LRP1B: variants seen among roughly 807,000 people sequenced by gnomAD.
LRP1B encodes low-density lipoprotein receptor-related protein 1B.
A neutral mutation model predicts 556.6 loss-of-function variants in LRP1B; 217 were observed. The ratio of observed to expected loss-of-function variants is 0.39; its 90% CI spans 0.35 to 0.44. The LOEUF is 0.44. Ranked by LOEUF, LRP1B falls within the 20% of genes least tolerant of loss-of-function variation. LRP1B has a pLI of 1.00. For synonymous variants in LRP1B, 2,047 were observed against 1,865.8 expected (o/e 1.10, Z -2.50); for missense variants, 5,053 against 5,620.8 (o/e 0.90, Z 3.23).
intron 66 of LRP1B, among the ~76,000 whole-genome samples, chr2:140,393,816 C>G (rs1299227137): frequency 6.6e-6 from 1 of 152,136 alleles, no homozygotes; most frequent in Non-Finnish European, 1.5e-5. Context: ...GGCAAACTTT[C>G]TTTTGTAGAA....
Position 140,779,476 on chromosome 2 carries a change from C to T in LRP1B, c.5360-3238G>A, listed in dbSNP as rs578027429. Among the ~76,000 whole-genome samples the T allele has an allele frequency of 3.9e-5, 6 of 152,100 alleles. No individual in the cohort carries two copies. The South Asian group carries it at 6.2e-4, about 16-fold the overall frequency. ...CTTTGGGAGGCCAAAGTGGGTGGAT[C>T]ACGAGGTCAGGAGTTCGAGGCCAGC... On this transcript the variant is annotated intron_variant, in intron 32 of 90. Transcript: ENST00000389484.
At chr2:141,131,413 A>ATATATATATATATATATATG (rs1348072306) in intron 7 of LRP1B, among the ~76,000 whole-genome samples, 1 of 143,638 alleles carries the variant, frequency 7.0e-6, no homozygotes, top group Non-Finnish European at 1.5e-5. Flanking sequence ...AAAGTTATAT[A>ATATATATATATATATATATG]TATATATATA....
chr2:141,924,243 T>A (rs565862809), intron 1 of LRP1B, among the ~76,000 whole-genome samples: 1 of 151,894 alleles, frequency 6.6e-6, no homozygotes, highest in East Asian at 2.0e-4. Flanking sequence ...AGAGAAGGTA[T>A]GTCTGAACAC....
chr2:140,728,911 C>G (rs1226840667), intron 35 of LRP1B, among the ~76,000 whole-genome samples: 1 of 151,972 alleles, frequency 6.6e-6, no homozygotes, highest in Non-Finnish European at 1.5e-5. Context: ...ATGAATCCAT[C>G]TGTGTTAAAT....
intron 2 of LRP1B, among the ~76,000 whole-genome samples, chr2:141,596,909 G>A (rs1206741355): frequency 6.6e-6 from 1 of 151,882 alleles, no homozygotes; most frequent in East Asian, 1.9e-4. Context: ...TTTTTATGAT[G>A]AATGGTTATT....
At chr2:140,474,240 C>T (rs140285271) in intron 60 of LRP1B, among the ~76,000 whole-genome samples, 2 of 151,922 alleles carry the variant, frequency 1.3e-5, no homozygotes, top group East Asian at 3.9e-4. Context: ...TCTTTTTAAA[C>T]TCATTGCTTT....
At chr2:140,611,618 A>T (rs1322415048) in intron 41 of LRP1B, among the ~76,000 whole-genome samples, 2 of 152,144 alleles carry the variant, frequency 1.3e-5, no homozygotes, top group Non-Finnish European at 2.9e-5. Context: ...AAAGAAACAT[A>T]AGAGATGAAT....
chr2:141,062,556 C>T lies in LRP1B; in HGVS notation c.1014-283G>A, dbSNP rs1431099780. Among the ~76,000 whole-genome samples the T allele has an allele frequency of 6.6e-5, 10 of 151,680 alleles. No homozygotes were observed. In the East Asian group the frequency reaches 2.0e-3, roughly 30 times the overall value. On this transcript the variant is annotated intron_variant, in intron 7 of 90. Transcript: ENST00000389484. Reference sequence around the variant, plus strand: ...TATTAGCAGAAATGTTTCTTTAAGCCTCATGGAGCTGAAGCACATCAACCA... The same window carrying T: ...TATTAGCAGAAATGTTTCTTTAAGCTTCATGGAGCTGAAGCACATCAACCA...
chr2:140,323,286 A>G (rs1325395896), intron 81 of LRP1B, among the ~76,000 whole-genome samples: 1 of 152,086 alleles, frequency 6.6e-6, no homozygotes, highest in South Asian at 2.1e-4. Context: ...AATTACCTCA[A>G]TGACTTACCC....
At chr2:140,495,430 A>G in intron 56 of LRP1B, 135 bp downstream of exon 56, 1 of 649,346 alleles carries the variant, frequency 1.5e-6, no homozygotes, top group South Asian at 3.1e-5. Context: ...ACAGATTCTC[A>G]TATCAAGGGA....
chr2:141,520,867 G>C (rs754879881), intron 2 of LRP1B, among the ~76,000 whole-genome samples: 2 of 151,934 alleles, frequency 1.3e-5, no homozygotes, highest in Non-Finnish European at 1.5e-5. Context: ...GAAAAAAGCA[G>C]GTCAGTGTGC....
At chr2:141,823,198 G>T (rs1420255145) in intron 1 of LRP1B, among the ~76,000 whole-genome samples, 1 of 151,930 alleles carries the variant, frequency 6.6e-6, no homozygotes, top group Admixed American at 6.6e-5. Flanking sequence ...AGTTATCTAG[G>T]ATTCTCCTGG....
chr2:141,557,277 A>C (rs941891636), intron 2 of LRP1B, among the ~76,000 whole-genome samples: 2 of 151,904 alleles, frequency 1.3e-5, no homozygotes, highest in African/African-American at 4.8e-5. Context: ...AGTGCACAGA[A>C]AGAAAAGTAA....
At chr2:141,091,824 C>T (rs1302858038) in intron 7 of LRP1B, among the ~76,000 whole-genome samples, 1 of 152,172 alleles carries the variant, frequency 6.6e-6, no homozygotes, top group East Asian at 1.9e-4. Context: ...GCAAGGCCAC[C>T]ATATTTGTGA....
Position 140,300,344 on chromosome 2 carries a change from G to A in LRP1B, c.12806-2375C>T, listed in dbSNP as rs138131934. Among the ~76,000 whole-genome samples the A allele has an allele frequency of 5.9e-5, 9 of 152,182 alleles. No homozygotes were observed. The East Asian group carries it at 1.7e-3, about 29-fold the overall frequency. Reference sequence around the variant, plus strand: ...TTTCTGTTGCAGAACTGTATAATGGGCCCTATTTGCTGTTTTCAAGAATCT... The same window carrying A: ...TTTCTGTTGCAGAACTGTATAATGGACCCTATTTGCTGTTTTCAAGAATCT... On this transcript the variant is annotated intron_variant, in intron 83 of 90. Transcript: ENST00000389484.
intron 7 of LRP1B, among the ~76,000 whole-genome samples, chr2:141,149,605 C>G (rs926172781): frequency 6.6e-6 from 1 of 152,078 alleles, no homozygotes; most frequent in Non-Finnish European, 1.5e-5. Context: ...AAATGGCAAA[C>G]CCCTGCCCAA....
chr2:141,380,212 G>T lies in LRP1B; in HGVS notation c.343+100184C>A, dbSNP rs1010506583. Among the ~76,000 whole-genome samples, 65 of 141,258 alleles carry T rather than the reference G, an allele frequency of 4.6e-4. 1 individual carries two copies. Among genetic ancestry groups the T allele is most frequent in the African/African-American group, 1.4e-3 (53 of 38,544 alleles). 92.7% of individuals were successfully genotyped at this position (141,258 alleles called of 152,430 possible). A position where few individuals can be genotyped will look rare whatever the true frequency, so the allele number is the denominator to read the frequency against. On this transcript the variant is annotated intron_variant, in intron 3 of 90. Transcript: ENST00000389484. Reference sequence around the variant, plus strand: ...GCTCCTCCTGGGGCTCTTCCTCTTGGTTTGCTCCAGGAGAAAAAAAAAAAA... The same window carrying T: ...GCTCCTCCTGGGGCTCTTCCTCTTGTTTTGCTCCAGGAGAAAAAAAAAAAA...
At chr2:140,786,911 G>A (rs1442435366) in intron 32 of LRP1B, among the ~76,000 whole-genome samples, 1 of 152,156 alleles carries the variant, frequency 6.6e-6, no homozygotes, top group Non-Finnish European at 1.5e-5. Context: ...AGAGCGAGGA[G>A]TTAGCTGACA....
At chr2:141,581,120 T>G (rs956547975) in intron 2 of LRP1B, among the ~76,000 whole-genome samples, 1 of 152,168 alleles carries the variant, frequency 6.6e-6, no homozygotes, top group Non-Finnish European at 1.5e-5. Flanking sequence ...CAAATAAGGC[T>G]TTTTGTTTTC....
Sources: gnomAD v4.1 joint callset for allele counts (sites outside exome capture counted in the v4.1 genomes callset) on GRCh38, gnomAD v4.1.1 for gene constraint, MANE v1.5 for transcripts, NCBI Gene and HGNC (gene_info 2026-07-23, HGNC 2026-07-21) for gene names.